The following KCNN2 variants were observed in gnomAD, a reference collection of about 807,000 sequenced individuals.
KCNN2 encodes small conductance calcium-activated potassium channel protein 2.
In KCNN2, 24 loss-of-function variants were observed where a neutral mutation model predicts 55.5. The ratio of observed to expected loss-of-function variants is 0.43; its 90% CI spans 0.31 to 0.61. The LOEUF (loss-of-function observed/expected upper bound fraction) is 0.61. Among genes scored for constraint, KCNN2 ranks in the 20% least tolerant of loss-of-function variants. The pLI is 0.08. For synonymous variants in KCNN2, 431 were observed against 336.1 expected, an observed-to-expected ratio of 1.28 and a Z score of -3.09; for missense variants, 754 against 853.6, an observed-to-expected ratio of 0.88 and a Z score of 1.45.
intron 2 of KCNN2, among the ~76,000 whole-genome samples, chr5:114,242,035 C>T (rs1479856997): frequency 1.3e-5 from 2 of 151,264 alleles, no homozygotes; most frequent in Non-Finnish European, 2.9e-5. Context: ...GTTTCTTGAG[C>T]CCCAGTTCCC....
intron 2 of KCNN2, among the ~76,000 whole-genome samples, chr5:114,322,535 CACTG>C: frequency 6.6e-6 from 1 of 151,758 alleles, no homozygotes; most frequent in East Asian, 1.9e-4. Flanking sequence ...CTTCAGGACA[CACTG>C]CATGCATACA....
chr5:114,096,764 A>G (rs1008210006), intron 1 of KCNN2, among the ~76,000 whole-genome samples: 2 of 152,150 alleles, frequency 1.3e-5, no homozygotes, highest in Non-Finnish European at 2.9e-5. Context: ...TGCCACAGAA[A>G]CCCTGGTGAT....
intron 3 of KCNN2, among the ~76,000 whole-genome samples, chr5:114,421,419 T>C (rs1211926852): frequency 6.6e-6 from 1 of 151,966 alleles, no homozygotes; most frequent in Non-Finnish European, 1.5e-5. Context: ...GCCTCCCGAG[T>C]AGCTGGGATT....
chr5:114,286,254 A>T (rs1755747417), intron 2 of KCNN2, among the ~76,000 whole-genome samples: 1 of 152,184 alleles, frequency 6.6e-6, no homozygotes, highest in Non-Finnish European at 1.5e-5. Context: ...GCTAAAAATT[A>T]TATGGGAAGG....
At chr5:114,071,270 C>G (rs776695284) in intron 1 of KCNN2, among the ~76,000 whole-genome samples, 2 of 152,180 alleles carry the variant, frequency 1.3e-5, no homozygotes, top group Non-Finnish European at 2.9e-5. Context: ...CCCTAAACTA[C>G]AGAGCTTGAG....
chr5:114,284,467 AC>A (rs1229092687), intron 2 of KCNN2, among the ~76,000 whole-genome samples: 1 of 152,142 alleles, frequency 6.6e-6, no homozygotes, highest in Non-Finnish European at 1.5e-5. Flanking sequence ...TTGGCTACTC[AC>A]ATAACAAACT....
intron 1 of KCNN2, among the ~76,000 whole-genome samples, chr5:114,180,782 T>A (rs1272770506): frequency 6.6e-6 from 1 of 152,116 alleles, no homozygotes; most frequent in East Asian, 1.9e-4. Context: ...TCAGCCCCCT[T>A]CCTAGTCAAC....
intron 1 of KCNN2, among the ~76,000 whole-genome samples, chr5:114,207,892 A>T (rs1022594191): frequency 5.3e-5 from 8 of 152,222 alleles, no homozygotes; most frequent in African/African-American, 1.9e-4. Context: ...TAGCAAATAC[A>T]GTCAATAAAG....
At chr5:114,367,513 C>A (rs1757635392) in intron 2 of KCNN2, among the ~76,000 whole-genome samples, 1 of 152,066 alleles carries the variant, frequency 6.6e-6, no homozygotes, top group South Asian at 2.1e-4. Context: ...TGTATCATGA[C>A]CTTATGACAA....
chr5:114,291,393 T>C (rs1305323017), intron 2 of KCNN2, among the ~76,000 whole-genome samples: 2 of 151,884 alleles, frequency 1.3e-5, no homozygotes, highest in African/African-American at 2.4e-5. Context: ...CCTATGTCCA[T>C]GTGTTCTCAT....
chr5:114,224,680 T>G (rs910108239), intron 2 of KCNN2, among the ~76,000 whole-genome samples: 1 of 152,168 alleles, frequency 6.6e-6, no homozygotes, highest in East Asian at 1.9e-4. Flanking sequence ...TTCTGGAACA[T>G]TGGGCTCAGT....
chr5:114,060,519 C>A (rs1187985421), intron 1 of KCNN2, among the ~76,000 whole-genome samples: 1 of 152,150 alleles, frequency 6.6e-6, no homozygotes, highest in Non-Finnish European at 1.5e-5. Context: ...TTGAGGTGAT[C>A]AAGATGAGAC....
intron 2 of KCNN2, among the ~76,000 whole-genome samples, chr5:114,403,590 C>T (rs1758849522): frequency 2.0e-5 from 3 of 152,188 alleles, no homozygotes; most frequent in African/African-American, 7.2e-5. Flanking sequence ...CCAAATGCTT[C>T]TGGTTGTCTC....
chr5:114,261,917 A>T (rs1266774341), intron 2 of KCNN2, among the ~76,000 whole-genome samples: 2 of 152,224 alleles, frequency 1.3e-5, no homozygotes, highest in African/African-American at 4.8e-5. Context: ...TTGGTTGGTC[A>T]ATAATAAACT....
rs191262267 is a variant in KCNN2 at position 114,096,859 on chromosome 5, G to C, written c.-271+40359G>C. Among the ~76,000 whole-genome samples, 148 of 152,244 alleles carry C rather than the reference G, an allele frequency of 9.7e-4. 1 individual carries two copies. The highest frequency in any genetic ancestry group is 1.3e-4 in the Non-Finnish European group (9 of 68,004). On this transcript the variant is annotated intron_variant, in intron 1 of 10. Transcript: ENST00000512097. ...TTCATCTGTAATCTTTTAGAGGATG[G>C]CCAGAATAATAGCTACTGTAACTAA...
chr5:114,235,740 CAA>C (rs1483056117), intron 2 of KCNN2, among the ~76,000 whole-genome samples: 2 of 152,194 alleles, frequency 1.3e-5, no homozygotes, highest in Admixed American at 1.3e-4. Flanking sequence ...AGATACATCA[CAA>C]AAGTCTTCTT....
intron 2 of KCNN2, among the ~76,000 whole-genome samples, chr5:114,403,213 A>T (rs73782232): frequency 0.01 from 1,550 of 152,174 alleles, 25 homozygotes; most frequent in African/African-American, 0.035. Flanking sequence ...GACTATTTGG[A>T]GTCTTGGTGA....
At chr5:114,420,917 G>A (rs748489320) in intron 3 of KCNN2, among the ~76,000 whole-genome samples, 6 of 151,986 alleles carry the variant, frequency 3.9e-5, no homozygotes, top group Non-Finnish European at 7.4e-5. Flanking sequence ...TTTCAAGTTA[G>A]GTAAAAATAA....
intron 1 of KCNN2, among the ~76,000 whole-genome samples, chr5:114,120,264 T>C (rs1216073673): frequency 6.6e-6 from 1 of 152,194 alleles, no homozygotes; most frequent in African/African-American, 2.4e-5. Flanking sequence ...AGGAAGTTAA[T>C]TTAGCACTGC....
Sources: gnomAD v4.1 joint callset for allele counts (sites outside exome capture counted in the v4.1 genomes callset) on GRCh38, gnomAD v4.1.1 for gene constraint, MANE v1.5 for transcripts, NCBI Gene and HGNC (gene_info 2026-07-23, HGNC 2026-07-21) for gene names.